The following ANK2 variants were observed in gnomAD, a reference collection of about 807,000 sequenced individuals.
ANK2 encodes the protein ankyrin-2.
Under a neutral mutation model 360.5 loss-of-function variants are expected in ANK2, and 83 were observed. That is an observed-to-expected ratio of 0.23 (90% CI 0.19 to 0.28). The LOEUF is 0.28. ANK2 is among the 10% of genes least tolerant of loss of function. The pLI is 1.00. For synonymous variants in ANK2, 1,740 were observed against 1,759.5 expected (o/e 0.99, Z 0.28); for missense variants, 4,201 against 4,795.7 (o/e 0.88, Z 3.66).
chr4:112,990,986 T>G (rs2046539242), intron 2 of ANK2, among the ~76,000 whole-genome samples: 2 of 152,218 alleles, frequency 1.3e-5, no homozygotes, highest in Non-Finnish European at 2.9e-5. Flanking sequence ...GCTCAGTGGT[T>G]CATGCCTGTA....
At chr4:112,965,289 T>A (rs2036767637) in intron 2 of ANK2, among the ~76,000 whole-genome samples, 1 of 152,222 alleles carries the variant, frequency 6.6e-6, no homozygotes, top group Non-Finnish European at 1.5e-5. Flanking sequence ...TGTTTGCCAT[T>A]TGTATGTCTT....
chr4:112,977,457 ATTTCT>A (rs1016750910), intron 2 of ANK2, among the ~76,000 whole-genome samples: 3 of 151,996 alleles, frequency 2.0e-5, no homozygotes, highest in Non-Finnish European at 4.4e-5. Context: ...TCTTTCATGA[ATTTCT>A]TTTAAGTGTG....
intron 45 of ANK2, among the ~76,000 whole-genome samples, chr4:113,379,632 G>A (rs955645875): frequency 6.6e-6 from 1 of 152,084 alleles, no homozygotes; most frequent in African/African-American, 2.4e-5. Context: ...GCGTATTTAG[G>A]AAAACATCAG....
chr4:112,963,727 T>C (rs536315660), intron 2 of ANK2, among the ~76,000 whole-genome samples: 1 of 152,118 alleles, frequency 6.6e-6, no homozygotes, highest in Non-Finnish European at 1.5e-5. Context: ...ATAATATTGA[T>C]AAAATATAAA....
intron 1 of ANK2, among the ~76,000 whole-genome samples, chr4:113,077,010 AAAG>A (rs1177768996): frequency 2.6e-5 from 4 of 151,120 alleles, no homozygotes; most frequent in African/African-American, 9.8e-5. Context: ...GGAAGGAAGG[AAAG>A]AAGGAAGGAA....
intron 1 of ANK2, among the ~76,000 whole-genome samples, chr4:112,841,409 A>G (rs58806515): frequency 0.05 from 6,951 of 138,964 alleles, 509 homozygotes; most frequent in African/African-American, 0.16. Flanking sequence ...CATTTGAGGC[A>G]AGTCTGAGCT....
chr4:113,016,129 A>G (rs2056548667), intron 2 of ANK2, among the ~76,000 whole-genome samples: 1 of 151,968 alleles, frequency 6.6e-6, no homozygotes, highest in East Asian at 1.9e-4. Flanking sequence ...GGTTCAAGCC[A>G]TGCTCCCACT....
At chr4:112,709,092 A>G in the ANK2 span, among the ~76,000 whole-genome samples, 1 of 152,234 alleles carries the variant, frequency 6.6e-6, no homozygotes, top group Non-Finnish European at 1.5e-5. Context: ...AGATAACTTT[A>G]TCAATGCGCC....
intron 1 of ANK2, among the ~76,000 whole-genome samples, chr4:113,097,877 C>CATATATATATATACATATATAT (rs1491243355): frequency 7.6e-6 from 1 of 131,774 alleles, no homozygotes; most frequent in African/African-American, 2.9e-5. Context: ...TATATATATG[C>CATATATATATATACATATATAT]ACACACACAC....
chr4:113,204,837 G>T (rs2098921376), intron 4 of ANK2, among the ~76,000 whole-genome samples: 1 of 152,136 alleles, frequency 6.6e-6, no homozygotes, highest in African/African-American at 2.4e-5. Flanking sequence ...TAGGCAACTA[G>T]TGAGTAAAGC....
Position 113,358,306 on chromosome 4 carries a change from A to G in ANK2, c.9688A>G (p.Thr3230Ala), listed in dbSNP as rs200594514. The change falls in exon 38 of 46, where the codon ACG becomes GCG. Residue 3230 changes from threonine (T) to alanine (A), a missense_variant. This residue lies in a region of ANK2 where 2,642 missense variants were observed against 2,714.5 expected (regional missense o/e 0.97). Transcript: ENST00000357077. ...GACCAAGGACCTCCCCACCGTGCAA[A>G]CGGGTGATATACCTCCTCTCTCTGG... ...VGTKDLPTVQ[T>A]GDIPPLSGVK... is the part of the protein sequence containing the mutation. 3.1e-6 allele frequency: 5 copies of G among 1,613,294 alleles called. No individual in the cohort carries two copies. Among genetic ancestry groups the G allele is most frequent in the East Asian group, 4.5e-5 (2 of 44,844 alleles).
intron 1 of ANK2, among the ~76,000 whole-genome samples, chr4:113,106,200 C>T (rs2093610373): frequency 1.3e-5 from 2 of 152,166 alleles, no homozygotes; most frequent in South Asian, 4.1e-4. Context: ...CCCTCTAAAC[C>T]TTATGAAGAC....
intron 1 of ANK2, chr4:113,141,420 G>A (rs972491547): frequency 1.1e-4 from 16 of 152,192 alleles, no homozygotes; most frequent in Non-Finnish European, 4.4e-5. Context: ...TGTGTTAGGT[G>A]TGTGTTCAAA....
chr4:112,816,738 C>T (rs886687015), upstream of ANK2, among the ~76,000 whole-genome samples: 2 of 152,222 alleles, frequency 1.3e-5, no homozygotes, highest in African/African-American at 4.8e-5. Context: ...TGGCCGGGCA[C>T]AGTGGCTCAC....
At chr4:112,911,788 G>A (rs2087543221) in intron 2 of ANK2, among the ~76,000 whole-genome samples, 1 of 152,202 alleles carries the variant, frequency 6.6e-6, no homozygotes, top group East Asian at 1.9e-4. Context: ...ATTTGAGTTA[G>A]CTAGAAAAAT....
intron 9 of ANK2, among the ~76,000 whole-genome samples, chr4:113,249,031 C>T (rs1277974247): frequency 6.6e-6 from 1 of 152,212 alleles, no homozygotes; most frequent in Non-Finnish European, 1.5e-5. Context: ...GCTCTGGAAT[C>T]AGAGGCTATC....
intron 4 of ANK2, among the ~76,000 whole-genome samples, chr4:113,225,271 C>G (rs562917968): frequency 6.6e-4 from 101 of 152,158 alleles, no homozygotes; most frequent in African/African-American, 2.4e-3. Context: ...TCATGTTTCT[C>G]TTTTGGAAAT....
At chr4:113,305,760 T>G (rs1291298245) in intron 23 of ANK2, among the ~76,000 whole-genome samples, 2 of 152,224 alleles carry the variant, frequency 1.3e-5, no homozygotes, top group African/African-American at 4.8e-5. Context: ...CAGCCACATG[T>G]ATTTGAAAAT....
chr4:112,917,407 C>T (rs2090197245), intron 2 of ANK2, among the ~76,000 whole-genome samples: 2 of 152,202 alleles, frequency 1.3e-5, no homozygotes, highest in Non-Finnish European at 2.9e-5. Context: ...TACTTATCCT[C>T]CACCACCAAC....
Sources: allele counts gnomAD v4.1 joint callset (sites outside exome capture counted in the v4.1 genomes callset), GRCh38; gene constraint gnomAD v4.1.1; regional missense constraint gnomAD v4.1.1; transcripts MANE v1.5; gene names NCBI Gene and HGNC (gene_info 2026-07-23, HGNC 2026-07-21).